The following PHACTR2 variants were observed in gnomAD, a reference collection of about 807,000 sequenced individuals.
PHACTR2 encodes the protein chromosome 6 open reading frame 56.
In PHACTR2, 30 loss-of-function variants were observed where a neutral mutation model predicts 76.0. The ratio of observed to expected loss-of-function variants is 0.39; its 90% CI spans 0.30 to 0.54. The LOEUF (loss-of-function observed/expected upper bound fraction) is 0.54. PHACTR2 is among the 20% of genes least tolerant of loss of function. The pLI, the probability that PHACTR2 is intolerant of heterozygous loss-of-function variation, is 0.61. For missense variants in PHACTR2, 696 were observed against 781.1 expected (o/e 0.89, Z 1.30); for synonymous variants, 292 against 292.5 (o/e 1.00, Z 0.02).
chr6:143,731,920 C>T lies in PHACTR2; in HGVS notation c.215-17065C>T, dbSNP rs1352810421. Reference sequence around the variant, plus strand: ...ATAGTTATAGGACCATTCAGGTGATCTCTTTTAACTTGGGTAAGTTTAAGC... The same window carrying T: ...ATAGTTATAGGACCATTCAGGTGATTTCTTTTAACTTGGGTAAGTTTAAGC... On this transcript the variant is annotated intron_variant, in intron 2 of 12. Transcript: ENST00000440869. This position sits in a 1 kb window ranked among gnomAD's most constrained non-coding sequence, Gnocchi z 4.9. Among the ~76,000 whole-genome samples, 1 of 152,212 alleles carries T rather than the reference C, an allele frequency of 6.6e-6. No individual in the cohort carries two copies. Among genetic ancestry groups the T allele is most frequent in the African/African-American group, 2.4e-5 (1 of 41,452 alleles).
At chr6:143,545,106 G>C (rs1774961182) in intron 1 of PHACTR2, among the ~76,000 whole-genome samples, 1 of 152,170 alleles carries the variant, frequency 6.6e-6, no homozygotes, top group Admixed American at 6.5e-5. Flanking sequence ...ATCATGCCTG[G>C]CTAATTGTTG....
chr6:143,673,844 A>G (rs1020284815), upstream of PHACTR2, among the ~76,000 whole-genome samples: 10 of 151,964 alleles, frequency 6.6e-5, no homozygotes, highest in African/African-American at 2.2e-4. Context: ...AGGCAGAGGC[A>G]AGGTATTTTG....
rs1007509166 is a variant in PHACTR2, at chr6:143,659,513, G to A, written c.13+51191G>A. Among the ~76,000 whole-genome samples, 1 of 152,158 alleles carries A rather than the reference G, an allele frequency of 6.6e-6. No individual in the cohort carries two copies. On this transcript the variant is annotated intron_variant, in intron 1 of 11. Transcript: ENST00000305766. The surrounding 1 kb of genome is among the most constrained non-coding windows in gnomAD (Gnocchi z 5.0). ...ATTCCTTGCAGAATGCCAGACTGAG[G>A]GCTCAGTTTCTTGCTGGCTGTGAGT...
chr6:143,792,761 A>C, intron 11 of PHACTR2, among the ~76,000 whole-genome samples: 1 of 152,114 alleles, frequency 6.6e-6, no homozygotes, highest in African/African-American at 2.4e-5. Context: ...CTACCTATAC[A>C]TGGCCTCTTC....
intron 1 of PHACTR2, among the ~76,000 whole-genome samples, chr6:143,668,319 A>G (rs1222814706): frequency 1.3e-5 from 2 of 152,128 alleles, no homozygotes; most frequent in Admixed American, 1.3e-4. Context: ...CATCAGGTCT[A>G]TTGGCCTGAA....
Position 143,671,499 on chromosome 6 carries a change from C to T in PHACTR2, c.14-40517C>T, listed in dbSNP as rs1009319041. On this transcript the variant is annotated intron_variant, in intron 1 of 11. Transcript: ENST00000305766. This position sits in a 1 kb window ranked among gnomAD's most constrained non-coding sequence, Gnocchi z 4.6. ...CAACTGTGAACACCACATGCCAGTC[C>T]AATCTCTCTTACTCTTCTGAATTTC... 6.6e-6 allele frequency among the ~76,000 whole-genome samples: 1 copy of T among 152,316 alleles called. No homozygotes were observed. Among genetic ancestry groups the T allele is most frequent in the East Asian group, 1.9e-4 (1 of 5,176 alleles).
rs1765222709 is a variant in PHACTR2, at chr6:143,624,905, C to T, written c.13+16583C>T. Among the ~76,000 whole-genome samples the T allele has an allele frequency of 6.6e-6, 1 of 152,040 alleles. No homozygotes were observed. The highest frequency in any genetic ancestry group is 1.5e-5 in the Non-Finnish European group (1 of 68,008). On this transcript the variant is annotated intron_variant, in intron 1 of 11. Coordinates refer to the PHACTR2 transcript ENST00000305766. The surrounding 1 kb of genome is among the most constrained non-coding windows in gnomAD (Gnocchi z 4.6). ...GAACGGTGCCTCACACCTGTAATCC[C>T]AGTACTTTGGGAGGCCGAGGCGGGC... is the stretch of plus-strand genomic sequence containing the variant.
At position 143,654,532 on chromosome 6, in the gene PHACTR2, C is replaced by T. The variant is rs551485098; in HGVS notation, c.13+46210C>T. Among the ~76,000 whole-genome samples, 5 of 152,238 alleles carry T rather than the reference C, an allele frequency of 3.3e-5. No individual in the cohort carries two copies. In the South Asian group the frequency reaches 1.0e-3, roughly 32 times the overall value. Reference sequence around the variant, plus strand: ...AATTAAAAAAAATAAAGGCTGGATACTGTGGCTCACACCTGTAATCTTGGC... The same window carrying T: ...AATTAAAAAAAATAAAGGCTGGATATTGTGGCTCACACCTGTAATCTTGGC... On this transcript the variant is annotated intron_variant, in intron 1 of 11. Coordinates refer to the PHACTR2 transcript ENST00000305766. This position sits in a 1 kb window ranked among gnomAD's most constrained non-coding sequence, Gnocchi z 4.6.
intron 6 of PHACTR2, among the ~76,000 whole-genome samples, chr6:143,771,131 C>CATATATATATATGTATATATATATATGT (rs776628277): frequency 8.4e-5 from 6 of 71,226 alleles, no homozygotes; most frequent in African/African-American, 1.1e-4. Context: ...ATGTACTTTA[C>CATATATATATATGTATATATATATATGT]ATATATATAT....
At position 143,775,146 on chromosome 6, in the gene PHACTR2, A is replaced by G. The variant is rs929101250; in HGVS notation, c.1589+931A>G. Among the ~76,000 whole-genome samples the G allele has an allele frequency of 2.0e-5, 3 of 152,084 alleles. No individual in the cohort carries two copies. Among genetic ancestry groups the G allele is most frequent in the African/African-American group, 7.2e-5 (3 of 41,422 alleles). On this transcript the variant is annotated intron_variant, in intron 8 of 12. Transcript: ENST00000440869. The surrounding 1 kb of genome is among the most constrained non-coding windows in gnomAD (Gnocchi z 4.4). ...AGGCTGCTGACCATTTCTCCAGAGG[A>G]AGAGTAACCCCTAAGGCACCTCCTT...
chr6:143,780,693 A>G lies in PHACTR2; in HGVS notation c.1646-2526A>G, dbSNP rs1333354409. On this transcript the variant is annotated intron_variant, in intron 9 of 12. Coordinates refer to ENST00000440869, the MANE Select transcript of PHACTR2 (RefSeq NM_001100164.2). This position sits in a 1 kb window ranked among gnomAD's most constrained non-coding sequence, Gnocchi z 4.4. ...TGCTTGCTGCTGTTTAACCACATGT[A>G]TTATTTGTTTATTTATCGGAAATGC... is the stretch of plus-strand genomic sequence containing the variant. Among the ~76,000 whole-genome samples, 1 of 152,038 alleles carries G rather than the reference A, an allele frequency of 6.6e-6. No individual in the cohort carries two copies. The highest frequency in any genetic ancestry group is 2.4e-5 in the African/African-American group (1 of 41,392).
rs187400508 is a variant in PHACTR2 at position 143,757,945 on chromosome 6, G to A, written c.455-2456G>A. ...CATACTCATATGTCCCTGCGTGTGT[G>A]TGCATGCACACGTGCGCGCACACAC... On this transcript the variant is annotated intron_variant, in intron 4 of 12. Coordinates refer to ENST00000440869, the MANE Select transcript of PHACTR2 (RefSeq NM_001100164.2). The surrounding 1 kb of genome is among the most constrained non-coding windows in gnomAD (Gnocchi z 4.2). 2.8e-5 allele frequency among the ~76,000 whole-genome samples: 4 copies of A among 141,626 alleles called. No homozygotes were observed. Among genetic ancestry groups the A allele is most frequent in the African/African-American group, 5.4e-5 (2 of 37,226 alleles). 92.9% of individuals were successfully genotyped at this position (141,626 alleles called of 152,430 possible).
rs1357689135 is a variant in PHACTR2, at chr6:143,791,137, CT to C, written c.1845+2233del. On this transcript the variant is annotated intron_variant, in intron 11 of 12. Coordinates refer to ENST00000440869, the MANE Select transcript of PHACTR2 (RefSeq NM_001100164.2). This position sits in a 1 kb window ranked among gnomAD's most constrained non-coding sequence, Gnocchi z 4.7. ...TTATAATTTTGCTTTTCACATTTAA[CT>C]TTTTTGTTTACCTGGAGTTGTTTTT... Among the ~76,000 whole-genome samples the C allele has an allele frequency of 6.6e-6, 1 of 152,130 alleles. No individual in the cohort carries two copies. The highest frequency in any genetic ancestry group is 1.5e-5 in the Non-Finnish European group (1 of 68,020).
intron 10 of PHACTR2, among the ~76,000 whole-genome samples, chr6:143,788,462 T>C (rs1421102549): frequency 6.6e-6 from 1 of 152,186 alleles, no homozygotes; most frequent in African/African-American, 2.4e-5. Context: ...GCGCATTGCA[T>C]GTTCCTTGCG....
At chr6:143,542,661 T>C (rs1781181654) in intron 1 of PHACTR2, among the ~76,000 whole-genome samples, 1 of 152,208 alleles carries the variant, frequency 6.6e-6, no homozygotes. Flanking sequence ...TCAGGGGTCC[T>C]ACCTACCTGA....
intron 11 of PHACTR2, among the ~76,000 whole-genome samples, chr6:143,804,942 T>G (rs998563828): frequency 6.6e-6 from 1 of 152,164 alleles, no homozygotes; most frequent in African/African-American, 2.4e-5. Context: ...TCAAATATGC[T>G]CTTGATTAAT....
intron 1 of PHACTR2, among the ~76,000 whole-genome samples, chr6:143,655,499 T>TA (rs1776834119): frequency 1.3e-5 from 2 of 152,246 alleles, no homozygotes; most frequent in Non-Finnish European, 2.9e-5. Context: ...AGAAGATATT[T>TA]AAAAATCACA....
intron 2 of PHACTR2, among the ~76,000 whole-genome samples, chr6:143,745,289 A>G (rs1779032610): frequency 6.6e-6 from 1 of 152,132 alleles, no homozygotes; most frequent in Non-Finnish European, 1.5e-5. Context: ...CAAACAACTG[A>G]CTTTAGTCCG....
rs1775978809 is a variant in PHACTR2, at chr6:143,611,758, G to T, written c.13+3436G>T. Among the ~76,000 whole-genome samples the T allele has an allele frequency of 6.6e-6, 1 of 152,188 alleles. No individual in the cohort carries two copies. The highest frequency in any genetic ancestry group is 1.5e-5 in the Non-Finnish European group (1 of 68,022). On this transcript the variant is annotated intron_variant, in intron 1 of 11. Transcript: ENST00000305766. This position sits in a 1 kb window ranked among gnomAD's most constrained non-coding sequence, Gnocchi z 4.4. ...GCGTGGCTCTGAAAGTGGTGTGGAT[G>T]ACAGTGTGGGAAAGTGAGCAATTCT...
Sources: allele counts gnomAD v4.1 joint callset (sites outside exome capture counted in the v4.1 genomes callset), GRCh38; gene constraint gnomAD v4.1.1; non-coding constraint Gnocchi (gnomAD v3.1); transcripts MANE v1.5; gene names NCBI Gene and HGNC (gene_info 2026-07-23, HGNC 2026-07-21).